Variants in SHANK2 observed in about 807,000 individuals in gnomAD.
SHANK2 encodes SH3 and multiple ankyrin repeat domains 2, also known as SH3 and multiple ankyrin repeat domains protein 2.
A neutral mutation model predicts 133.7 loss-of-function variants in SHANK2; 43 were observed. The ratio of observed to expected loss-of-function variants is 0.32; its 90% confidence interval spans 0.25 to 0.41. The LOEUF (loss-of-function observed/expected upper bound fraction) is 0.41. Ranked by LOEUF, SHANK2 falls within the 10% of genes least tolerant of loss-of-function variation. SHANK2 has a pLI of 1.00. For missense variants in SHANK2, 1,994 were observed against 2,235.8 expected, an observed-to-expected ratio of 0.89 and a Z score of 2.18; for synonymous variants, 1,017 against 952.8, an observed-to-expected ratio of 1.07 and a Z score of -1.24.
chr11:71,064,354 G>A (rs923012267), intron 9 of SHANK2, among the ~76,000 whole-genome samples: 3 of 152,184 alleles, frequency 2.0e-5, no homozygotes, highest in African/African-American at 7.2e-5. Context: ...ACAGCTGGGC[G>A]GAGGCAGAGG....
At chr11:70,842,067 C>T (rs1213212216) in intron 11 of SHANK2, among the ~76,000 whole-genome samples, 1 of 152,188 alleles carries the variant, frequency 6.6e-6, no homozygotes, top group Non-Finnish European at 1.5e-5. Flanking sequence ...CGCCCTGAAG[C>T]CTGGATGGGT....
chr11:70,907,738 G>C, intron 10 of SHANK2: 3 of 293,548 alleles, frequency 1.0e-5, no homozygotes, highest in South Asian at 8.7e-5. Context: ...TTTGACAGTT[G>C]CAGGATCGGA....
chr11:71,113,174 C>T (rs1029407875), intron 5 of SHANK2, 119 bp downstream of exon 5: 14 of 921,716 alleles, frequency 1.5e-5, no homozygotes, highest in Admixed American at 2.2e-5. Flanking sequence ...CCCAGCCACA[C>T]GCCATGCCAG....
chr11:70,675,173 T>C (rs1051183791), intron 15 of SHANK2, among the ~76,000 whole-genome samples: 4 of 152,234 alleles, frequency 2.6e-5, no homozygotes, highest in African/African-American at 9.6e-5. Context: ...CTCTTTACTT[T>C]GTCTAGGTTT....
intron 10 of SHANK2, among the ~76,000 whole-genome samples, chr11:70,918,137 A>G (rs1555080149): frequency 6.6e-6 from 1 of 152,102 alleles, no homozygotes; most frequent in Non-Finnish European, 1.5e-5. Flanking sequence ...AGCAATTGCT[A>G]TAAAACAGGT....
chr11:70,702,224 TACC>T (rs1329276331), intron 14 of SHANK2, among the ~76,000 whole-genome samples: 3 of 133,010 alleles, frequency 2.3e-5, no homozygotes, highest in South Asian at 2.5e-4. Flanking sequence ...TCATCATCAT[TACC>T]ACCACCAGCG....
At position 70,716,010 on chromosome 11, in the gene SHANK2, C is replaced by G. The variant is rs1048441052; in HGVS notation, c.1778-17247G>C. Among the ~76,000 whole-genome samples, 8 of 152,282 alleles carry G rather than the reference C, an allele frequency of 5.3e-5. No homozygotes were observed. The East Asian group carries it at 1.4e-3, about 26-fold the overall frequency. ...GGCCTCACTCTGTGTACCCCTGCCC[C>G]CTATGCCTGCCCCTCCAACACCCAC... On this transcript the variant is annotated intron_variant, in intron 14 of 25. Transcript: ENST00000601538.
chr11:70,541,332 C>A (rs759187385), intron 17 of SHANK2, among the ~76,000 whole-genome samples: 3 of 152,182 alleles, frequency 2.0e-5, no homozygotes, highest in Non-Finnish European at 4.4e-5. Context: ...ATCAGCCTGG[C>A]GGGAACAGTA....
intron 17 of SHANK2, among the ~76,000 whole-genome samples, chr11:70,563,095 T>G (rs1301868441): frequency 6.6e-6 from 1 of 152,166 alleles, no homozygotes; most frequent in African/African-American, 2.4e-5. Flanking sequence ...GGTCTCGATC[T>G]CTTGATCTCG....
At chr11:70,896,350 G>A in intron 11 of SHANK2, 151 bp downstream of exon 11, 1 of 574,512 alleles carries the variant, frequency 1.7e-6, no homozygotes, top group Middle Eastern at 2.6e-4. Context: ...GTTAAGACCA[G>A]AGACAGAAAA....
At chr11:70,695,878 C>A (rs79860058) in intron 15 of SHANK2, among the ~76,000 whole-genome samples, 131 of 152,312 alleles carry the variant, frequency 8.6e-4, no homozygotes, top group African/African-American at 3.1e-3. Flanking sequence ...TCTGATCCCT[C>A]GCCATGGGAG....
chr11:70,947,728 T>G (rs1269245294), intron 10 of SHANK2, among the ~76,000 whole-genome samples: 1 of 152,202 alleles, frequency 6.6e-6, no homozygotes. Context: ...CTGTGGTTAC[T>G]GGACTGGACA....
chr11:71,234,953 T>C (rs1954806902), intron 1 of SHANK2, among the ~76,000 whole-genome samples: 1 of 151,964 alleles, frequency 6.6e-6, no homozygotes, highest in African/African-American at 2.4e-5. Flanking sequence ...CCACACACAA[T>C]GGAGACACGA....
intron 2 of SHANK2, among the ~76,000 whole-genome samples, chr11:71,191,304 C>T (rs1339686196): frequency 1.3e-5 from 2 of 152,146 alleles, no homozygotes; most frequent in Admixed American, 6.5e-5. Context: ...TGCATATCAC[C>T]TCAGATGTCT....
chr11:70,701,918 TCATCACCACCAC>T (rs376737323), intron 14 of SHANK2, among the ~76,000 whole-genome samples: 172 of 150,260 alleles, frequency 1.1e-3, no homozygotes, highest in African/African-American at 3.8e-3. Flanking sequence ...ATCACCACCA[TCATCACCACCAC>T]CATCACCACC....
At chr11:70,490,571 C>G (rs1247589330) in intron 22 of SHANK2, among the ~76,000 whole-genome samples, 184 bp from the exon 23 acceptor site, 1 of 152,262 alleles carries the variant, frequency 6.6e-6, no homozygotes, top group African/African-American at 2.4e-5. Flanking sequence ...AGGTCCCTCT[C>G]TAGGTGCCTT....
intron 17 of SHANK2, among the ~76,000 whole-genome samples, chr11:70,610,460 C>T (rs1554993851): frequency 6.6e-6 from 1 of 152,154 alleles, no homozygotes; most frequent in African/African-American, 2.4e-5. Context: ...ACATGACACG[C>T]CTGTGCCCCC....
At chr11:70,580,439 G>A (rs529260793) in intron 17 of SHANK2, among the ~76,000 whole-genome samples, 12 of 152,322 alleles carry the variant, frequency 7.9e-5, no homozygotes. Flanking sequence ...GCTCAATCGC[G>A]TCCCTTACCC....
intron 14 of SHANK2, among the ~76,000 whole-genome samples, chr11:70,713,261 C>T (rs1450070004): frequency 6.6e-6 from 1 of 152,250 alleles, no homozygotes; most frequent in Non-Finnish European, 1.5e-5. Context: ...ACAGAAATCA[C>T]TTCAGAGAGC....
Sources: allele counts gnomAD v4.1 joint callset (sites outside exome capture counted in the v4.1 genomes callset), GRCh38; gene constraint gnomAD v4.1.1; transcripts MANE v1.5; gene names NCBI Gene and HGNC (gene_info 2026-07-23, HGNC 2026-07-21).